The following SULF2 variants were observed in gnomAD, a reference collection of about 807,000 sequenced individuals.
The protein encoded by SULF2 is sulfatase 2.
A neutral mutation model predicts 107.7 loss-of-function variants in SULF2; 52 were observed. The ratio of observed to expected loss-of-function variants is 0.48; its 90% confidence interval spans 0.39 to 0.61. The LOEUF is 0.61. Ranked by LOEUF, SULF2 falls within the 20% of genes least tolerant of loss-of-function variation. The probability of loss-of-function intolerance (pLI) is 0.00; values close to 1 mark genes in which losing one functional copy is unlikely to be tolerated. For missense variants in SULF2, 993 were observed against 1,177.3 expected (o/e 0.84, Z 2.29); for synonymous variants, 460 against 464.3 (o/e 0.99, Z 0.12).
intron 2 of SULF2, among the ~76,000 whole-genome samples, chr20:47,745,395 A>AGG (rs1568891850): frequency 0.019 from 411 of 22,158 alleles, 4 homozygotes; most frequent in Non-Finnish European, 0.021. Flanking sequence ...AAAAAAAAAA[A>AGG]AAAAAAAAAA....
chr20:47,659,842 T>C, intron 18 of SULF2, 112 bp from the exon 19 acceptor site: 1 of 779,318 alleles, frequency 1.3e-6, no homozygotes, highest in South Asian at 1.6e-5. Context: ...ATGATGCTGA[T>C]AGTGTTCCCT....
At chr20:47,712,669 C>T (rs938870434) in intron 3 of SULF2, among the ~76,000 whole-genome samples, 2 of 152,132 alleles carry the variant, frequency 1.3e-5, no homozygotes, top group South Asian at 2.1e-4. Context: ...GGTGGGGCAG[C>T]GCCCTCTAAT....
intron 4 of SULF2, among the ~76,000 whole-genome samples, chr20:47,700,865 CG>C (rs1304006471): frequency 1.3e-5 from 2 of 152,058 alleles, no homozygotes; most frequent in Non-Finnish European, 2.9e-5. Context: ...AGGCTGGCCT[CG>C]AACTCCTGAC....
chr20:47,660,882 C>T (rs1482891261), intron 18 of SULF2, among the ~76,000 whole-genome samples: 1 of 152,204 alleles, frequency 6.6e-6, no homozygotes, highest in African/African-American at 2.4e-5. Context: ...CCTAATCCCG[C>T]ACCTCCCATC....
intron 1 of SULF2, among the ~76,000 whole-genome samples, chr20:47,766,655 T>C (rs1483243840): frequency 1.3e-5 from 2 of 152,268 alleles, no homozygotes; most frequent in African/African-American, 4.8e-5. Context: ...CTGGAAGTGA[T>C]ACTCTAAGTC....
intron 6 of SULF2, 48 bp downstream of exon 6, chr20:47,684,383 T>C: frequency 6.5e-7 from 1 of 1,550,172 alleles, no homozygotes; most frequent in Non-Finnish European, 8.7e-7. Context: ...CTGGCCTGGC[T>C]GGGGGTTCGG....
intron 1 of SULF2, among the ~76,000 whole-genome samples, chr20:47,782,579 C>T (rs1261396465): frequency 6.6e-6 from 1 of 152,204 alleles, no homozygotes; most frequent in Non-Finnish European, 1.5e-5. Flanking sequence ...ATCGAGACTC[C>T]ATCACCAACC....
At chr20:47,687,629 A>G (rs1173064047) in intron 5 of SULF2, among the ~76,000 whole-genome samples, 2 of 151,324 alleles carry the variant, frequency 1.3e-5, no homozygotes, top group Non-Finnish European at 1.5e-5. Flanking sequence ...GTATCTTTGT[A>G]TCTCTGCCTA....
chr20:47,724,204 A>T (rs2089373856), intron 3 of SULF2, among the ~76,000 whole-genome samples: 1 of 152,180 alleles, frequency 6.6e-6, no homozygotes, highest in African/African-American at 2.4e-5. Flanking sequence ...GCCGGAAGTG[A>T]TGTGGTCAGG....
intron 2 of SULF2, among the ~76,000 whole-genome samples, chr20:47,749,680 A>T (rs1250703061): frequency 1.3e-5 from 2 of 152,256 alleles, no homozygotes; most frequent in Non-Finnish European, 2.9e-5. Flanking sequence ...ACAGATGGAA[A>T]GTGGAAAACA....
chr20:47,731,581 A>G (rs2089614707), intron 3 of SULF2, among the ~76,000 whole-genome samples: 1 of 152,144 alleles, frequency 6.6e-6, no homozygotes, highest in Non-Finnish European at 1.5e-5. Context: ...TATTGCCATG[A>G]GCATCACACA....
intron 2 of SULF2, among the ~76,000 whole-genome samples, chr20:47,751,597 G>A (rs1237255000): frequency 6.6e-6 from 1 of 152,196 alleles, no homozygotes; most frequent in African/African-American, 2.4e-5. Flanking sequence ...CCAACTTGGA[G>A]GAAAGCTGAG....
chr20:47,711,833 C>T (rs1411643812), intron 3 of SULF2, among the ~76,000 whole-genome samples: 1 of 152,078 alleles, frequency 6.6e-6, no homozygotes, highest in Non-Finnish European at 1.5e-5. Flanking sequence ...CACAAATACA[C>T]TACATATACA....
intron 1 of SULF2, 33 bp from the exon 2 acceptor site, chr20:47,757,496 A>G: frequency 9.6e-7 from 1 of 1,043,614 alleles, no homozygotes; most frequent in Non-Finnish European, 1.4e-6. Context: ...GTCAATATTT[A>G]TGTCAAGGCT....
At chr20:47,723,243 C>CAA (rs5841707) in intron 3 of SULF2, among the ~76,000 whole-genome samples, 180 of 145,432 alleles carry the variant, frequency 1.2e-3, no homozygotes, top group African/African-American at 3.9e-3. Flanking sequence ...CAGTCCATCT[C>CAA]AAAAAAAAGA....
At chr20:47,672,153 T>C (rs1268689331) in intron 11 of SULF2, 45 bp downstream of exon 11, 5 of 1,552,820 alleles carry the variant, frequency 3.2e-6, no homozygotes, top group Non-Finnish European at 4.4e-6. Flanking sequence ...CCCCCAGGCA[T>C]GGTCTCTCTC....
chr20:47,750,704 G>A (rs113547621), intron 2 of SULF2, among the ~76,000 whole-genome samples: 28 of 152,286 alleles, frequency 1.8e-4, no homozygotes, highest in African/African-American at 6.7e-4. Context: ...CCCATTCAAA[G>A]GCTCATGCCT....
rs114910205 is a variant in SULF2 at position 47,663,193 on chromosome 20, G to A, written c.2247C>T (p.Cys749=). Residue 749 remains cysteine (C), a synonymous_variant, in exon 17 of 21, where the codon TGC becomes TGT. Coordinates refer to ENST00000688720, the MANE Select transcript of SULF2 (RefSeq NM_001387048.1). The part of the protein sequence containing the change: ...PFWTLGPFCA[C]TSANNNTYWC... ...AGTACGTGTTATTGTTGGCGCTGGT[G>A]CAGGCACAGAAAGGCCCCACTGCCA... is the stretch of plus-strand genomic sequence containing the variant. 328 of 1,614,144 alleles carry A rather than the reference G, an allele frequency of 2.0e-4. 3 individuals carry two copies. In the East Asian group the frequency reaches 6.9e-3, roughly 34 times the overall value.
chr20:47,677,241 C>A, intron 8 of SULF2, 107 bp from the exon 9 acceptor site: 2 of 1,202,112 alleles, frequency 1.7e-6, no homozygotes, highest in South Asian at 2.7e-5. Flanking sequence ...GGTTTACGGT[C>A]AGCCTGGACA....
Sources: allele counts gnomAD v4.1 joint callset (sites outside exome capture counted in the v4.1 genomes callset), GRCh38; gene constraint gnomAD v4.1.1; transcripts MANE v1.5; gene names NCBI Gene and HGNC (gene_info 2026-07-23, HGNC 2026-07-21).